NLGN1: variants seen among roughly 807,000 people sequenced by gnomAD.
NLGN1 encodes neuroligin 1.
In NLGN1, 12 loss-of-function variants were observed where a neutral mutation model predicts 65.5. The observed-to-expected ratio is 0.18, with a 90% confidence interval of 0.12 to 0.30. The LOEUF (loss-of-function observed/expected upper bound fraction) is 0.30. Ranked by LOEUF, NLGN1 falls within the 10% of genes least tolerant of loss-of-function variation. The pLI, the probability that NLGN1 is intolerant of heterozygous loss-of-function variation, is 1.00. For synonymous variants in NLGN1, 350 were observed against 359.5 expected (o/e 0.97, Z 0.30); for missense variants, 750 against 1,007.1 (o/e 0.74, Z 3.46).
chr3:174,099,334 T>C (rs1711866064), intron 4 of NLGN1, among the ~76,000 whole-genome samples: 1 of 152,146 alleles, frequency 6.6e-6, no homozygotes, highest in Non-Finnish European at 1.5e-5. Flanking sequence ...AATTGCAATA[T>C]TATTTGCTGC....
At chr3:174,080,876 C>A in intron 4 of NLGN1, among the ~76,000 whole-genome samples, 1 of 148,994 alleles carries the variant, frequency 6.7e-6, no homozygotes, top group African/African-American at 2.6e-5. Context: ...AGACAGTTAA[C>A]AACTGCCTAA....
At chr3:173,918,630 C>CAAA (rs558281371) in intron 4 of NLGN1, among the ~76,000 whole-genome samples, 2 of 61,470 alleles carry the variant, frequency 3.3e-5, no homozygotes, top group Admixed American at 2.3e-4. Flanking sequence ...GACTCCATCT[C>CAAA]AAAAAAAAAA....
chr3:174,127,866 A>T (rs1250573187), intron 4 of NLGN1, among the ~76,000 whole-genome samples: 1 of 152,196 alleles, frequency 6.6e-6, no homozygotes, highest in African/African-American at 2.4e-5. Context: ...CAAGGCAGTT[A>T]AAATAAATTA....
intron 4 of NLGN1, among the ~76,000 whole-genome samples, chr3:174,121,734 G>C (rs193250084): frequency 6.6e-6 from 1 of 152,046 alleles, no homozygotes; most frequent in East Asian, 1.9e-4. Flanking sequence ...TATACCTCCG[G>C]TAGCTTACAC....
intron 4 of NLGN1, among the ~76,000 whole-genome samples, chr3:174,031,079 A>G (rs1345045887): frequency 6.6e-6 from 1 of 152,178 alleles, no homozygotes; most frequent in African/African-American, 2.4e-5. Flanking sequence ...TTCAGTGCCC[A>G]ATACTGGCAG....
chr3:174,086,121 C>A (rs576908586), intron 4 of NLGN1, among the ~76,000 whole-genome samples: 10 of 151,500 alleles, frequency 6.6e-5, no homozygotes, highest in Middle Eastern at 3.4e-3. Flanking sequence ...AAATATTTTA[C>A]CAACTTTCTA....
chr3:173,902,498 A>G (rs982821814), intron 4 of NLGN1, among the ~76,000 whole-genome samples: 8 of 152,236 alleles, frequency 5.3e-5, no homozygotes, highest in Admixed American at 3.9e-4. Flanking sequence ...AGTTATTCTT[A>G]CGTAGAGTTT....
intron 2 of NLGN1, among the ~76,000 whole-genome samples, chr3:173,532,697 G>A (rs1029540099): frequency 6.6e-6 from 1 of 152,042 alleles, no homozygotes; most frequent in Non-Finnish European, 1.5e-5. Context: ...TCTAAGGTTG[G>A]CCACTTAAAA....
rs575503286 is a variant in NLGN1 at position 173,416,937 on chromosome 3, C to G, written c.-389-18073C>G. The stretch of plus-strand genomic sequence containing the variant: ...TCATATAAAATAAATCTTTATGATA[C>G]CATGATCAAACTGTAATATTCATCT... On this transcript the variant is annotated intron_variant, in intron 1 of 6. Transcript: ENST00000457714. 2.0e-5 allele frequency among the ~76,000 whole-genome samples: 3 copies of G among 152,150 alleles called. No individual in the cohort carries two copies. In the East Asian group the frequency reaches 5.8e-4, roughly 29 times the overall value.
rs116331043 is a variant in NLGN1, at chr3:173,641,355, C to T, written c.493+36264C>T. On this transcript the variant is annotated intron_variant, in intron 3 of 6. Transcript: ENST00000457714. ...TTTAGATGGAATCTCCTTCTGTCGC[C>T]CAGGCTGCAGTGAAGTGGCACGATC... Among the ~76,000 whole-genome samples, 997 of 152,150 alleles carry T rather than the reference C, an allele frequency of 6.6e-3. 14 individuals are homozygous for T. The highest frequency in any genetic ancestry group is 0.023 in the African/African-American group (952 of 41,506).
At chr3:173,450,823 A>T (rs897796504) in intron 2 of NLGN1, among the ~76,000 whole-genome samples, 3 of 152,082 alleles carry the variant, frequency 2.0e-5, no homozygotes, top group Admixed American at 6.6e-5. Flanking sequence ...CGTCTTACAT[A>T]GCTGATACCC....
intron 4 of NLGN1, among the ~76,000 whole-genome samples, chr3:174,176,821 A>G (rs1729527937): frequency 6.6e-6 from 1 of 152,072 alleles, no homozygotes; most frequent in Non-Finnish European, 1.5e-5. Context: ...ATCTTTAGTC[A>G]TAATTTATAT....
intron 1 of NLGN1, among the ~76,000 whole-genome samples, chr3:173,425,546 C>T (rs1715936318): frequency 6.6e-6 from 1 of 151,966 alleles, no homozygotes. Context: ...GGTTCTATTT[C>T]CATTCTTCTG....
intron 4 of NLGN1, among the ~76,000 whole-genome samples, chr3:174,055,150 CT>C (rs113474137): frequency 0.046 from 5,367 of 117,556 alleles, 181 homozygotes; most frequent in Middle Eastern, 0.11. Context: ...AAGGAGCTTG[CT>C]TTTTTTTTTT....
chr3:174,037,998 A>G (rs541896749), intron 4 of NLGN1, among the ~76,000 whole-genome samples: 9 of 152,304 alleles, frequency 5.9e-5, no homozygotes, highest in Non-Finnish European at 1.0e-4. Context: ...TGATAAAAAT[A>G]TATTGAATGA....
intron 4 of NLGN1, among the ~76,000 whole-genome samples, chr3:173,857,977 A>T (rs534777022): frequency 7.5e-6 from 1 of 132,816 alleles, no homozygotes; most frequent in Non-Finnish European, 1.6e-5. Context: ...TCCCCATCCC[A>T]AGGCCACTTA....
intron 3 of NLGN1, among the ~76,000 whole-genome samples, chr3:173,781,007 G>A (rs967949800): frequency 3.3e-5 from 5 of 151,768 alleles, no homozygotes; most frequent in Admixed American, 6.6e-5. Flanking sequence ...AGCCAGGCGT[G>A]GTGGCGGGCG....
intron 4 of NLGN1, among the ~76,000 whole-genome samples, chr3:173,870,699 A>C (rs1157607761): frequency 6.6e-6 from 1 of 152,206 alleles, no homozygotes; most frequent in Non-Finnish European, 1.5e-5. Flanking sequence ...TTCATGGTTG[A>C]TGCAAAAATT....
At chr3:173,685,220 T>C (rs928785837) in intron 3 of NLGN1, among the ~76,000 whole-genome samples, 1 of 152,120 alleles carries the variant, frequency 6.6e-6, no homozygotes, top group East Asian at 1.9e-4. Flanking sequence ...AATATTACAA[T>C]AGACACAAAA....
Sources: gnomAD v4.1 joint callset for allele counts (sites outside exome capture counted in the v4.1 genomes callset) on GRCh38, gnomAD v4.1.1 for gene constraint, MANE v1.5 for transcripts, NCBI Gene and HGNC (gene_info 2026-07-23, HGNC 2026-07-21) for gene names.